ASIC2: variants seen among roughly 807,000 people sequenced by gnomAD.
The protein encoded by ASIC2 is acid-sensing ion channel 2.
ASIC2 carries 25 observed loss-of-function variants against 57.3 expected under a neutral mutation model. That is an observed-to-expected ratio of 0.44 (90% CI 0.32 to 0.61). ASIC2 has a LOEUF of 0.61. ASIC2 is among the 20% of genes least tolerant of loss of function. The pLI, the probability that ASIC2 is intolerant of heterozygous loss-of-function variation, is 0.06. For missense variants in ASIC2, 641 were observed against 738.1 expected, an observed-to-expected ratio of 0.87 and a Z score of 1.52; for synonymous variants, 319 against 307.5, an observed-to-expected ratio of 1.04 and a Z score of -0.39.
intron 1 of ASIC2, among the ~76,000 whole-genome samples, chr17:33,600,067 C>T (rs1905085999): frequency 6.6e-6 from 1 of 152,252 alleles, no homozygotes; most frequent in Admixed American, 6.5e-5. Context: ...CATCTCTCTG[C>T]ATCCACCCTT....
At position 34,156,124 on chromosome 17, in the gene ASIC2, G is replaced by A. The variant is rs1904711056; in HGVS notation, c.409C>T (p.Leu137=). Residue 137 remains leucine, a synonymous_variant, in exon 1 of 10, where the codon CTG becomes TTG. Transcript: ENST00000359872. This position sits in a 1 kb window ranked among gnomAD's most constrained non-coding sequence, Gnocchi z 4.4. ...TGCTTGAAGTTGGCCTTCTGCCGCA[G>A]GGCCTCCAGCACGGAGGGGTCAGCC... 5 of 1,614,134 alleles carry A rather than the reference G, an allele frequency of 3.1e-6. No homozygotes were observed. Among genetic ancestry groups the A allele is most frequent in the Non-Finnish European group, 4.2e-6 (5 of 1,180,034 alleles).
At chr17:33,620,240 G>GAAAAA (rs35560840) in intron 1 of ASIC2, among the ~76,000 whole-genome samples, 38 of 74,868 alleles carry the variant, frequency 5.1e-4, no homozygotes, top group African/African-American at 1.2e-3. Context: ...AGAGGAAAAT[G>GAAAAA]AAAAAAAAAA....
intron 1 of ASIC2, among the ~76,000 whole-genome samples, chr17:33,439,140 G>T (rs976289429): frequency 1.3e-5 from 2 of 152,114 alleles, no homozygotes; most frequent in African/African-American, 4.8e-5. Flanking sequence ...CATCACACCC[G>T]GCCAATGGTG....
At chr17:33,924,252 C>T (rs1169671081) in intron 1 of ASIC2, among the ~76,000 whole-genome samples, 1 of 152,228 alleles carries the variant, frequency 6.6e-6, no homozygotes, top group Non-Finnish European at 1.5e-5. Context: ...CAGCGTGCTC[C>T]TCCTGGGGTT....
intron 2 of ASIC2, among the ~76,000 whole-genome samples, chr17:33,099,767 G>A (rs1390574464): frequency 6.6e-6 from 1 of 152,194 alleles, no homozygotes; most frequent in African/African-American, 2.4e-5. Flanking sequence ...GTTGGTGGAT[G>A]ATTAAGATTC....
rs1908370836 is a variant in ASIC2, at chr17:34,047,211, T to C, written c.555+108767A>G. 3.3e-5 allele frequency among the ~76,000 whole-genome samples: 5 copies of C among 152,108 alleles called. No individual in the cohort carries two copies. In the South Asian group the frequency reaches 1.0e-3, roughly 32 times the overall value. ...CCAGGGCTACCCATTCACACATACA[T>C]ACGTGTATGTATTCAACATATTCAT... On this transcript the variant is annotated intron_variant, in intron 1 of 9. Coordinates refer to the ASIC2 transcript ENST00000359872.
At chr17:33,632,195 T>C (rs1005809022) in intron 1 of ASIC2, among the ~76,000 whole-genome samples, 13 of 152,188 alleles carry the variant, frequency 8.5e-5, no homozygotes, top group Admixed American at 6.5e-5. Context: ...TCAAATGATA[T>C]AATGCACGGA....
At chr17:33,870,542 G>T (rs1400275252) in intron 1 of ASIC2, among the ~76,000 whole-genome samples, 2 of 151,900 alleles carry the variant, frequency 1.3e-5, no homozygotes, top group Non-Finnish European at 2.9e-5. Flanking sequence ...AAGAATTCAG[G>T]GTGCCACCCC....
intron 1 of ASIC2, among the ~76,000 whole-genome samples, chr17:33,606,606 A>C (rs546535113): frequency 6.6e-6 from 1 of 152,150 alleles, no homozygotes; most frequent in Non-Finnish European, 1.5e-5. Context: ...TTCTTCTCCA[A>C]CTACACTGTT....
intron 1 of ASIC2, among the ~76,000 whole-genome samples, chr17:33,696,398 C>A (rs976511258): frequency 1.3e-5 from 2 of 152,294 alleles, no homozygotes; most frequent in Non-Finnish European, 2.9e-5. Flanking sequence ...CACATTTATT[C>A]ATGTTCTTTC....
chr17:33,477,069 A>G (rs1004971808), intron 1 of ASIC2, among the ~76,000 whole-genome samples: 7 of 152,052 alleles, frequency 4.6e-5, no homozygotes, highest in Admixed American at 3.9e-4. Flanking sequence ...ATCTGGCTCT[A>G]TTTCATTAAT....
intron 1 of ASIC2, among the ~76,000 whole-genome samples, chr17:33,199,314 G>A (rs999967756): frequency 1.1e-4 from 16 of 152,324 alleles, no homozygotes; most frequent in South Asian, 8.3e-4. Flanking sequence ...TGTCTGACGC[G>A]TGAGAAGCAC....
rs143945929 is a variant in ASIC2, at chr17:33,663,252, C to T, written c.555+492726G>A. 3.0e-3 allele frequency among the ~76,000 whole-genome samples: 450 copies of T among 152,288 alleles called. 1 individual carries two copies. Among genetic ancestry groups the T allele is most frequent in the Non-Finnish European group, 5.2e-3 (354 of 68,022 alleles). On this transcript the variant is annotated intron_variant, in intron 1 of 9. Transcript: ENST00000359872. ...GTAATGGGGGAATGTGAGTCAAATC[C>T]GGGTTTGTCTGATTCCAAAATCCTT...
intron 1 of ASIC2, among the ~76,000 whole-genome samples, chr17:34,045,773 CTG>C (rs1384602301): frequency 6.6e-5 from 10 of 152,172 alleles, no homozygotes; most frequent in African/African-American, 2.2e-4. Context: ...AAGAAGAAAA[CTG>C]GGGTAGTTCC....
intron 1 of ASIC2, among the ~76,000 whole-genome samples, chr17:33,302,535 T>C (rs575521822): frequency 2.9e-4 from 44 of 152,302 alleles, no homozygotes; most frequent in African/African-American, 8.4e-4. Flanking sequence ...CAAGCTGATG[T>C]GTCAAAAGCC....
intron 1 of ASIC2, among the ~76,000 whole-genome samples, chr17:34,087,422 T>C (rs1910151208): frequency 6.6e-6 from 1 of 152,240 alleles, no homozygotes; most frequent in African/African-American, 2.4e-5. Flanking sequence ...GTTAGTCTGA[T>C]GGGCTTCCCT....
At chr17:33,266,256 A>C (rs1041560442) in intron 1 of ASIC2, among the ~76,000 whole-genome samples, 4 of 152,220 alleles carry the variant, frequency 2.6e-5, no homozygotes, top group Non-Finnish European at 5.9e-5. Flanking sequence ...CATCCAGAAC[A>C]TAAACCCCAG....
chr17:33,617,716 A>G (rs1448962311), intron 1 of ASIC2, among the ~76,000 whole-genome samples: 4 of 152,350 alleles, frequency 2.6e-5, no homozygotes, highest in African/African-American at 9.6e-5. Context: ...TGGTACTTGC[A>G]TAATTTTTAA....
intron 1 of ASIC2, among the ~76,000 whole-genome samples, chr17:33,332,026 C>T (rs1156586966): frequency 1.3e-5 from 2 of 152,220 alleles, no homozygotes; most frequent in Admixed American, 1.3e-4. Flanking sequence ...TTTTTTCAAG[C>T]TGATCAATTG....
Sources: allele counts gnomAD v4.1 joint callset (sites outside exome capture counted in the v4.1 genomes callset), GRCh38; gene constraint gnomAD v4.1.1; non-coding constraint Gnocchi (gnomAD v3.1); transcripts MANE v1.5; gene names NCBI Gene and HGNC (gene_info 2026-07-23, HGNC 2026-07-21).